ADGRL2: variants seen among roughly 807,000 people sequenced by gnomAD.
ADGRL2 encodes the protein calcium-independent alpha-latrotoxin receptor 2.
In ADGRL2, 44 loss-of-function variants were observed where a neutral mutation model predicts 157.4. The ratio of observed to expected loss-of-function variants is 0.28; its 90% CI spans 0.22 to 0.36. The LOEUF is 0.36. ADGRL2 is among the 10% of genes least tolerant of loss of function. The probability of loss-of-function intolerance (pLI) is 1.00; values close to 1 mark genes in which losing one functional copy is unlikely to be tolerated. For synonymous variants in ADGRL2, 585 were observed against 624.7 expected (o/e 0.94, Z 0.95); for missense variants, 1,510 against 1,768.9 (o/e 0.85, Z 2.63).
intron 3 of ADGRL2, among the ~76,000 whole-genome samples, chr1:81,647,989 T>C (rs2082346189): frequency 1.3e-5 from 2 of 152,222 alleles, no homozygotes; most frequent in South Asian, 2.1e-4. Context: ...CCTTTTTTCT[T>C]TTCAGGCAAC....
At chr1:81,658,500 G>A (rs2082583506) in intron 3 of ADGRL2, among the ~76,000 whole-genome samples, 2 of 152,034 alleles carry the variant, frequency 1.3e-5, no homozygotes, top group Admixed American at 1.3e-4. Context: ...TGGGCTTTAG[G>A]CATACCCATC....
intron 2 of ADGRL2, among the ~76,000 whole-genome samples, chr1:81,904,778 A>T (rs1332929916): frequency 6.6e-6 from 1 of 152,084 alleles, no homozygotes; most frequent in East Asian, 1.9e-4. Flanking sequence ...GTGATGGCAC[A>T]TGCCTGTAAT....
chr1:81,654,007 G>A (rs1046566115), intron 3 of ADGRL2, among the ~76,000 whole-genome samples: 7 of 152,058 alleles, frequency 4.6e-5, no homozygotes, highest in Non-Finnish European at 7.4e-5. Flanking sequence ...GGAAAGTGGT[G>A]TGATCTGGGC....
At chr1:81,887,104 C>T (rs2151336243) in intron 2 of ADGRL2, among the ~76,000 whole-genome samples, 1 of 152,268 alleles carries the variant, frequency 6.6e-6, no homozygotes, top group South Asian at 2.1e-4. Flanking sequence ...AATTCATACA[C>T]TGATACTAAA....
intron 2 of ADGRL2, among the ~76,000 whole-genome samples, chr1:81,468,307 T>C (rs907178549): frequency 2.6e-5 from 4 of 152,194 alleles, no homozygotes; most frequent in Non-Finnish European, 5.9e-5. Context: ...GTGCTGATAC[T>C]GGTTTCTTAT....
intron 2 of ADGRL2, among the ~76,000 whole-genome samples, chr1:81,865,210 A>G (rs573197736): frequency 9.2e-5 from 14 of 152,258 alleles, no homozygotes; most frequent in African/African-American, 3.4e-4. Flanking sequence ...TTGTTTTTCT[A>G]AAATTTAATG....
chr1:81,635,911 A>C (rs1011742408), intron 3 of ADGRL2, among the ~76,000 whole-genome samples: 22 of 152,236 alleles, frequency 1.4e-4, no homozygotes, highest in African/African-American at 5.1e-4. Flanking sequence ...GCTAAAAGTT[A>C]TCTGATTTAT....
intron 1 of ADGRL2, among the ~76,000 whole-genome samples, chr1:81,347,051 C>T (rs1388295038): frequency 2.0e-5 from 3 of 152,132 alleles, no homozygotes; most frequent in Non-Finnish European, 2.9e-5. Context: ...AAGTGTTCAT[C>T]TTCTTATTGA....
At chr1:81,475,855 T>G (rs1205454245) in intron 2 of ADGRL2, among the ~76,000 whole-genome samples, 1 of 152,188 alleles carries the variant, frequency 6.6e-6, no homozygotes, top group Non-Finnish European at 1.5e-5. Context: ...TGTGAGGCTA[T>G]TACAATCTGT....
At position 81,955,970 on chromosome 1, in the gene ADGRL2, A is replaced by T; in HGVS notation, c.1927A>T (p.Met643Leu). The T allele has an allele frequency of 6.2e-7, 1 of 1,611,540 alleles. No individual in the cohort carries two copies. Among genetic ancestry groups the T allele is most frequent in the Non-Finnish European group, 8.5e-7 (1 of 1,178,838 alleles). The change falls in exon 11 of 24, where the codon ATG (methionine) becomes TTG (leucine). Residue 643 changes from methionine (M) to leucine (L), a missense_variant. Coordinates refer to ENST00000686636, the MANE Select transcript of ADGRL2 (RefSeq NM_001366006.2). ...NSSEQAHTAT[M>L]LLDTLEEGAF... ...TTCTGAACAAGCACATACTGCAACA[A>T]TGTTACTCGATACATTGGAAGAAGG...
intron 1 of ADGRL2, among the ~76,000 whole-genome samples, chr1:81,732,206 G>C (rs1383397821): frequency 6.6e-6 from 1 of 152,154 alleles, no homozygotes; most frequent in Non-Finnish European, 1.5e-5. Flanking sequence ...ATTGTTAAGA[G>C]AGTACAATGT....
chr1:81,385,888 A>T (rs2101080197), intron 1 of ADGRL2, among the ~76,000 whole-genome samples: 1 of 152,232 alleles, frequency 6.6e-6, no homozygotes, highest in South Asian at 2.1e-4. Flanking sequence ...TCCCTGAAAT[A>T]ATTCCTAAAG....
chr1:81,571,661 G>A (rs1570537079), intron 2 of ADGRL2, among the ~76,000 whole-genome samples: 1 of 152,030 alleles, frequency 6.6e-6, no homozygotes, highest in South Asian at 2.1e-4. Context: ...GAGCGTAATA[G>A]ATAAGACAAA....
chr1:81,530,642 C>A (rs766975934), intron 2 of ADGRL2, among the ~76,000 whole-genome samples: 23 of 152,092 alleles, frequency 1.5e-4, no homozygotes, highest in Non-Finnish European at 3.2e-4. Context: ...AGCCACCATG[C>A]CTGGCCTTGA....
At chr1:81,328,605 C>A (rs567976969) in intron 1 of ADGRL2, among the ~76,000 whole-genome samples, 1 of 152,090 alleles carries the variant, frequency 6.6e-6, no homozygotes, top group South Asian at 2.1e-4. Flanking sequence ...GGAGTCATAC[C>A]TTAAAAAGAT....
At chr1:81,668,109 G>A (rs1435167855) in intron 3 of ADGRL2, among the ~76,000 whole-genome samples, 1 of 152,068 alleles carries the variant, frequency 6.6e-6, no homozygotes, top group South Asian at 2.1e-4. Context: ...GCTTCACCAT[G>A]GAATGAAGTA....
At chr1:81,708,232 A>G (rs1327058192) in intron 1 of ADGRL2, among the ~76,000 whole-genome samples, 1 of 152,182 alleles carries the variant, frequency 6.6e-6, no homozygotes, top group African/African-American at 2.4e-5. Context: ...ATCATTACCA[A>G]GAGAATGCCG....
chr1:81,720,764 A>C (rs2084281915), intron 1 of ADGRL2, among the ~76,000 whole-genome samples: 1 of 151,970 alleles, frequency 6.6e-6, no homozygotes, highest in South Asian at 2.1e-4. Flanking sequence ...ACCACAAGTC[A>C]CTTTAAGCAG....
rs1008500967 is a variant in ADGRL2 at position 81,567,487 on chromosome 1, C to A, written c.-247-13389C>A. On this transcript the variant is annotated intron_variant, in intron 2 of 24. Coordinates refer to the ADGRL2 transcript ENST00000370721. ...AATATGTAGGGCACTCGGTACTTAT[C>A]CGGAATGCTGAAAATAAGATAGAAC... 2.6e-5 allele frequency among the ~76,000 whole-genome samples: 4 copies of A among 151,992 alleles called. No homozygotes were observed. The South Asian group carries it at 6.2e-4, about 24-fold the overall frequency.
Sources: gnomAD v4.1 joint callset for allele counts (sites outside exome capture counted in the v4.1 genomes callset) on GRCh38, gnomAD v4.1.1 for gene constraint, MANE v1.5 for transcripts, NCBI Gene and HGNC (gene_info 2026-07-23, HGNC 2026-07-21) for gene names.